C20orf96: variants seen among roughly 807,000 people sequenced by gnomAD.
The protein encoded by C20orf96 is uncharacterized protein C20orf96.
C20orf96 carries 57 observed loss-of-function variants against 52.6 expected under a neutral mutation model. The ratio of observed to expected loss-of-function variants is 1.08; its 90% CI spans 0.88 to 1.35. The LOEUF is 1.35. C20orf96 is among the 40% of genes most tolerant of loss of function. The probability of loss-of-function intolerance (pLI) is 0.00; values close to 1 mark genes in which losing one functional copy is unlikely to be tolerated. For synonymous variants in C20orf96, 168 were observed against 157.2 expected (o/e 1.07, Z -0.51); for missense variants, 478 against 443.6 (o/e 1.08, Z -0.70).
At chr20:281,834 T>C (rs1462045744) in intron 4 of C20orf96, among the ~76,000 whole-genome samples, 1 of 152,084 alleles carries the variant, frequency 6.6e-6, no homozygotes, top group African/African-American at 2.4e-5. Context: ...GGCATGATAG[T>C]GCATGTCTAT....
Position 289,333 on chromosome 20 carries a change from C to T in C20orf96, c.187+226G>A, listed in dbSNP as rs568642783. Among the ~76,000 whole-genome samples, 25 of 152,302 alleles carry T rather than the reference C, an allele frequency of 1.6e-4. No homozygotes were observed. In the South Asian group the frequency reaches 3.9e-3, roughly 24 times the overall value. Reference sequence around the variant, plus strand: ...TATCAGACCCACAAGGTCAAAGGAACCTGGATCCCTGAATGACCATGTGGA... The same window carrying T: ...TATCAGACCCACAAGGTCAAAGGAATCTGGATCCCTGAATGACCATGTGGA... On this transcript the variant is annotated intron_variant, in intron 3 of 10. Transcript: ENST00000360321.
At chr20:285,046 T>C (rs554999313) in intron 3 of C20orf96, among the ~76,000 whole-genome samples, 54 of 152,300 alleles carry the variant, frequency 3.5e-4, no homozygotes, top group African/African-American at 1.3e-3. Flanking sequence ...TTAAAGGTGT[T>C]TGGAATAGTG....
chr20:278,228 G>C (rs2012092596), intron 6 of C20orf96, 102 bp downstream of exon 6: 1 of 859,826 alleles, frequency 1.2e-6, no homozygotes, highest in South Asian at 1.3e-5. Flanking sequence ...AGAGCCAATG[G>C]GGCTGAGGGT....
intron 3 of C20orf96, among the ~76,000 whole-genome samples, 167 bp from the exon 4 acceptor site, chr20:284,248 A>G (rs2012326467): frequency 6.6e-6 from 1 of 152,166 alleles, no homozygotes; most frequent in South Asian, 2.1e-4. Context: ...ACCCTTCACT[A>G]AGCTCCCAGG....
chr20:281,448 CT>C (rs1462711165), intron 4 of C20orf96, among the ~76,000 whole-genome samples: 1 of 152,216 alleles, frequency 6.6e-6, no homozygotes, highest in Non-Finnish European at 1.5e-5. Context: ...CCCTCTACCC[CT>C]GCCATAAATA....
intron 6 of C20orf96, among the ~76,000 whole-genome samples, chr20:278,070 C>T (rs6112676): frequency 0.45 from 67,959 of 152,088 alleles, 15,226 homozygotes; most frequent in East Asian, 0.52. Flanking sequence ...AGGACAGCTT[C>T]CCTGCCTCCA....
chr20:275,388 G>A (rs552838332), intron 10 of C20orf96, among the ~76,000 whole-genome samples: 87 of 152,264 alleles, frequency 5.7e-4, no homozygotes, highest in African/African-American at 2.0e-3. Flanking sequence ...GAAGGAAAAC[G>A]ACAGGAGGGA....
chr20:277,158 A>G lies in C20orf96; in HGVS notation c.724-13T>C, dbSNP rs1251959025. 1 of 1,613,666 alleles carries G rather than the reference A, an allele frequency of 6.2e-7. No homozygotes were observed. Among genetic ancestry groups the G allele is most frequent in the Non-Finnish European group, 8.5e-7 (1 of 1,179,772 alleles). ...CATCCAGCTCATCCTGGGAGCCAGC[A>G]GAAGGGTGTTGGTCACCAGTCCTGC... On this transcript the variant is annotated splice_polypyrimidine_tract_variant and intron_variant, in intron 7 of 10. Transcript: ENST00000360321.
At chr20:274,183 C>A (rs1192694621) in intron 10 of C20orf96, among the ~76,000 whole-genome samples, 1 of 151,972 alleles carries the variant, frequency 6.6e-6, no homozygotes, top group Non-Finnish European at 1.5e-5. Context: ...TAACAGTGTG[C>A]CATTTCTACT....
Position 284,088 on chromosome 20 carries a change from G to A in C20orf96, c.188-7C>T. 1.2e-6 allele frequency: 2 copies of A among 1,609,394 alleles called. No homozygotes were observed. The highest frequency in any genetic ancestry group is 1.7e-4 in the Middle Eastern group (1 of 6,042). Reference sequence around the variant, plus strand: ...GTGGGCTTGAAGTGAAACACTAGGGGTAGACAGGAAAGGACAGGGAGAGAG... The same window carrying A: ...GTGGGCTTGAAGTGAAACACTAGGGATAGACAGGAAAGGACAGGGAGAGAG... On this transcript the variant is annotated splice_polypyrimidine_tract_variant and splice_region_variant and intron_variant, in intron 3 of 10. Coordinates refer to ENST00000360321, the MANE Select transcript of C20orf96 (RefSeq NM_153269.3).
intron 10 of C20orf96, among the ~76,000 whole-genome samples, chr20:272,054 G>A (rs1659365242): frequency 6.6e-6 from 1 of 151,450 alleles, no homozygotes; most frequent in Non-Finnish European, 1.5e-5. Context: ...GAAATGTCAG[G>A]ATACTTGCAA....
At chr20:276,502 G>A (rs569860966) in intron 9 of C20orf96, 4 of 985,438 alleles carry the variant, frequency 4.1e-6, no homozygotes, top group Admixed American at 6.1e-5. Context: ...AAGAATCAAG[G>A]GGTAAAGATG....
rs183502657 is a variant in C20orf96, at chr20:277,653, G to A, written c.566-270C>T. On this transcript the variant is annotated intron_variant, in intron 6 of 10. Transcript: ENST00000360321. Reference sequence around the variant, plus strand: ...GTCCCCACTCTGCCACTGACTTGCCGGGTGGCTCTCGCCAAGACTGTCCCT... The same window carrying A: ...GTCCCCACTCTGCCACTGACTTGCCAGGTGGCTCTCGCCAAGACTGTCCCT... Among the ~76,000 whole-genome samples, 290 of 152,280 alleles carry A rather than the reference G, an allele frequency of 1.9e-3. 1 individual carries two copies. The highest frequency in any genetic ancestry group is 3.5e-3 in the Non-Finnish European group (239 of 68,018).
At chr20:282,316 T>C (rs886529644) in intron 4 of C20orf96, among the ~76,000 whole-genome samples, 2 of 152,168 alleles carry the variant, frequency 1.3e-5, no homozygotes, top group Non-Finnish European at 2.9e-5. Flanking sequence ...CTCTTGTTGA[T>C]TGTCAGTCTC....
In C20orf96 at chr20:278,860, T is replaced by C. The variant is rs575844195; in HGVS notation, c.465+312A>G. 1.0e-4 allele frequency among the ~76,000 whole-genome samples: 13 copies of C among 125,326 alleles called. No homozygotes were observed. In the East Asian group the frequency reaches 1.4e-3, roughly 13 times the overall value. The allele number at this position is 125,326 out of a possible 152,430, so 82.2% of individuals were successfully genotyped here. ...GTGAGGGGAGTGAAGGGTGAAGAAATGCGTCTTCCAGGTGGAGGAAGCACC... is the reference window on the plus strand; with the variant it reads ...GTGAGGGGAGTGAAGGGTGAAGAAACGCGTCTTCCAGGTGGAGGAAGCACC... On this transcript the variant is annotated intron_variant, in intron 5 of 10. Coordinates refer to ENST00000360321, the MANE Select transcript of C20orf96 (RefSeq NM_153269.3).
chr20:276,690 C>T, intron 9 of C20orf96, 103 bp downstream of exon 9: 1 of 1,528,016 alleles, frequency 6.5e-7, no homozygotes, highest in East Asian at 2.5e-5. Flanking sequence ...TCAGAGACCT[C>T]CTGAGCGCCA....
intron 10 of C20orf96, 64 bp from the exon 11 acceptor site, chr20:271,331 A>C (rs1433023315): frequency 1.5e-6 from 2 of 1,324,928 alleles, no homozygotes; most frequent in Admixed American, 4.6e-5. Context: ...GCACCCACTC[A>C]GAGGAGCCCT....
chr20:279,917 C>G (rs1298546527), intron 4 of C20orf96, among the ~76,000 whole-genome samples: 1 of 152,024 alleles, frequency 6.6e-6, no homozygotes, highest in Non-Finnish European at 1.5e-5. Flanking sequence ...TTGCAGTGAG[C>G]GAGATGGCGC....
intron 3 of C20orf96, among the ~76,000 whole-genome samples, chr20:284,283 G>T (rs1189113871): frequency 6.6e-6 from 1 of 152,196 alleles, no homozygotes; most frequent in African/African-American, 2.4e-5. Flanking sequence ...TCAATATGAG[G>T]GAGGGACAAG....
Sources: gnomAD v4.1 joint callset for allele counts (sites outside exome capture counted in the v4.1 genomes callset) on GRCh38, gnomAD v4.1.1 for gene constraint, MANE v1.5 for transcripts, NCBI Gene and HGNC (gene_info 2026-07-23, HGNC 2026-07-21) for gene names.